FGF14: variants seen among roughly 807,000 people sequenced by gnomAD.
The protein encoded by FGF14 is fibroblast growth factor homologous factor 4.
A neutral mutation model predicts 25.5 loss-of-function variants in FGF14; 5 were observed. That is an observed-to-expected ratio of 0.20 (90% CI 0.10 to 0.41). FGF14 has a LOEUF of 0.41. FGF14 is among the 10% of genes least tolerant of loss of function. The probability of loss-of-function intolerance (pLI) is 1.00; values close to 1 mark genes in which losing one functional copy is unlikely to be tolerated. For missense variants in FGF14, 222 were observed against 320.1 expected (o/e 0.69, Z 2.34); for synonymous variants, 138 against 118.3 (o/e 1.17, Z -1.08).
At chr13:102,094,773 G>C (rs989233613) in intron 1 of FGF14, among the ~76,000 whole-genome samples, 3 of 152,106 alleles carry the variant, frequency 2.0e-5, no homozygotes, top group African/African-American at 7.2e-5. Context: ...CTTTGTCCCT[G>C]AAGTCAGGAA....
At chr13:101,844,191 T>C (rs763807968) in intron 3 of FGF14, among the ~76,000 whole-genome samples, 54 of 152,114 alleles carry the variant, frequency 3.5e-4, no homozygotes, top group African/African-American at 1.3e-3. Flanking sequence ...GAAAAATACA[T>C]CTTTGTATTG....
intron 1 of FGF14, among the ~76,000 whole-genome samples, chr13:102,143,501 C>G (rs533917843): frequency 6.6e-6 from 1 of 152,132 alleles, no homozygotes; most frequent in Non-Finnish European, 1.5e-5. Context: ...AATTATGACC[C>G]TCTACTAAAA....
intron 1 of FGF14, among the ~76,000 whole-genome samples, chr13:102,155,891 A>T (rs2047310252): frequency 6.6e-6 from 1 of 152,262 alleles, no homozygotes; most frequent in Non-Finnish European, 1.5e-5. Flanking sequence ...CTCTACACAA[A>T]TAAACTAGAA....
intron 3 of FGF14, among the ~76,000 whole-genome samples, chr13:101,761,377 T>C (rs1180676371): frequency 6.6e-6 from 1 of 152,066 alleles, no homozygotes; most frequent in Non-Finnish European, 1.5e-5. Flanking sequence ...TATACCACAA[T>C]CTATGTTGTA....
At chr13:102,016,107 T>A (rs73571579) in intron 1 of FGF14, among the ~76,000 whole-genome samples, 4,881 of 152,198 alleles carry the variant, frequency 0.032, 252 homozygotes, top group African/African-American at 0.11. Context: ...GTGGCCAATA[T>A]ACGCCAAAGC....
chr13:102,261,829 A>G (rs1463139843), intron 1 of FGF14, among the ~76,000 whole-genome samples: 1 of 152,244 alleles, frequency 6.6e-6, no homozygotes, highest in Non-Finnish European at 1.5e-5. Flanking sequence ...GGTACCCAGT[A>G]GGTTTTGTTG....
intron 1 of FGF14, among the ~76,000 whole-genome samples, chr13:101,881,333 G>A (rs1185221663): frequency 6.6e-6 from 1 of 152,130 alleles, no homozygotes; most frequent in African/African-American, 2.4e-5. Flanking sequence ...ACACATTGGA[G>A]CTCTCATGGC....
At chr13:102,337,942 C>G (rs903663284) in intron 1 of FGF14, among the ~76,000 whole-genome samples, 1 of 152,252 alleles carries the variant, frequency 6.6e-6, no homozygotes, top group Admixed American at 6.5e-5. Flanking sequence ...GTATATATAA[C>G]TCTTATGTGC....
At chr13:101,992,790 C>T (rs770235181) in intron 1 of FGF14, among the ~76,000 whole-genome samples, 24 of 151,376 alleles carry the variant, frequency 1.6e-4, no homozygotes, top group Non-Finnish European at 3.2e-4. Context: ...AAATTGAAAA[C>T]CAAAAAGAGT....
chr13:102,288,071 G>A (rs1294297721), intron 1 of FGF14, among the ~76,000 whole-genome samples: 1 of 152,144 alleles, frequency 6.6e-6, no homozygotes, highest in African/African-American at 2.4e-5. Flanking sequence ...AAATTCAAAG[G>A]CTCTTCTACA....
At chr13:101,893,105 G>A (rs1378850359) in intron 1 of FGF14, among the ~76,000 whole-genome samples, 1 of 152,156 alleles carries the variant, frequency 6.6e-6, no homozygotes, top group Non-Finnish European at 1.5e-5. Flanking sequence ...CAGTGACAAG[G>A]ACTTAATTGT....
intron 1 of FGF14, chr13:102,292,265 T>C (rs1351391160): frequency 7.6e-6 from 1 of 130,768 alleles, no homozygotes; most frequent in Non-Finnish European, 1.6e-5. Context: ...ATTTCCTACC[T>C]TATACTCTAT....
intron 1 of FGF14, among the ~76,000 whole-genome samples, chr13:102,179,152 A>C (rs1355667311): frequency 6.6e-6 from 1 of 152,144 alleles, no homozygotes; most frequent in Non-Finnish European, 1.5e-5. Flanking sequence ...GGAAGTCTCC[A>C]CTTTTTCTTG....
At chr13:102,332,028 C>A (rs963114439) in intron 1 of FGF14, among the ~76,000 whole-genome samples, 1 of 152,132 alleles carries the variant, frequency 6.6e-6, no homozygotes, top group Non-Finnish European at 1.5e-5. Context: ...GACCTGAATT[C>A]TGGTTGTGGC....
chr13:101,788,953 GA>G (rs2040064592), intron 3 of FGF14, among the ~76,000 whole-genome samples: 1 of 28,338 alleles, frequency 3.5e-5, no homozygotes, highest in Non-Finnish European at 7.8e-5. Flanking sequence ...GAGAGACAGA[GA>G]GAGAGAGAGA....
At chr13:102,388,173 A>C (rs1236953257) in intron 1 of FGF14, among the ~76,000 whole-genome samples, 3 of 152,216 alleles carry the variant, frequency 2.0e-5, no homozygotes, top group African/African-American at 7.2e-5. Context: ...AATGCTGCTA[A>C]GAAGAGTATG....
intron 1 of FGF14, among the ~76,000 whole-genome samples, chr13:101,956,603 T>C (rs1158204338): frequency 4.6e-5 from 7 of 152,036 alleles, no homozygotes; most frequent in Non-Finnish European, 1.0e-4. Flanking sequence ...TGGACCTAAA[T>C]ATCTGCTGGG....
intron 1 of FGF14, among the ~76,000 whole-genome samples, chr13:101,958,261 C>G (rs576005192): frequency 1.3e-5 from 2 of 152,314 alleles, no homozygotes; most frequent in South Asian, 4.2e-4. Context: ...TCTGAATGAC[C>G]TTGGACAGAA....
intron 1 of FGF14, among the ~76,000 whole-genome samples, chr13:101,992,012 C>T (rs1252665904): frequency 6.6e-6 from 1 of 152,140 alleles, no homozygotes; most frequent in African/African-American, 2.4e-5. Flanking sequence ...CACCCAATGA[C>T]AGCCTCCTCT....
Sources: allele counts gnomAD v4.1 joint callset (sites outside exome capture counted in the v4.1 genomes callset), GRCh38; gene constraint gnomAD v4.1.1; transcripts MANE v1.5; gene names NCBI Gene and HGNC (gene_info 2026-07-23, HGNC 2026-07-21).